Variants in GPC6 observed in about 807,000 individuals in gnomAD.
GPC6 encodes glypican-6.
GPC6 carries 14 observed loss-of-function variants against 55.2 expected under a neutral mutation model. The ratio of observed to expected loss-of-function variants is 0.25; its 90% confidence interval spans 0.17 to 0.40. GPC6 has a LOEUF of 0.40. GPC6 is among the 10% of genes least tolerant of loss of function. The pLI is 1.00. For missense variants in GPC6, 641 were observed against 708.5 expected (o/e 0.90, Z 1.08); for synonymous variants, 278 against 259.6 (o/e 1.07, Z -0.68).
intron 1 of GPC6, among the ~76,000 whole-genome samples, chr13:93,405,744 G>C (rs1217598758): frequency 6.6e-6 from 1 of 152,076 alleles, no homozygotes; most frequent in Non-Finnish European, 1.5e-5. Flanking sequence ...ATAAAACAGA[G>C]ATATGTTATA....
At chr13:93,231,570 G>A (rs1474798647) in intron 1 of GPC6, among the ~76,000 whole-genome samples, 1 of 150,988 alleles carries the variant, frequency 6.6e-6, no homozygotes, top group Non-Finnish European at 1.5e-5. Context: ...GTATTCTCAG[G>A]AATTGGCCAT....
intron 2 of GPC6, among the ~76,000 whole-genome samples, chr13:93,603,180 T>TC (rs1379639119): frequency 6.6e-6 from 1 of 152,026 alleles, no homozygotes; most frequent in Non-Finnish European, 1.5e-5. Context: ...CAGCTAATTT[T>TC]TTATTATTTG....
intron 6 of GPC6, among the ~76,000 whole-genome samples, chr13:94,313,136 C>T (rs935201848): frequency 1.3e-5 from 2 of 152,328 alleles, no homozygotes; most frequent in African/African-American, 4.8e-5. Context: ...GGTTTCTGCT[C>T]TTCTCCGGGC....
At chr13:93,787,717 T>C (rs1319022409) in intron 2 of GPC6, among the ~76,000 whole-genome samples, 1 of 152,230 alleles carries the variant, frequency 6.6e-6, no homozygotes, top group East Asian at 1.9e-4. Context: ...CTTTTAAATA[T>C]ACACTACATT....
intron 2 of GPC6, among the ~76,000 whole-genome samples, chr13:93,634,058 G>A (rs141025084): frequency 7.0e-4 from 107 of 152,306 alleles, no homozygotes; most frequent in African/African-American, 2.3e-3. Flanking sequence ...ATGTACTGAT[G>A]CAGTGAACAT....
At chr13:93,266,931 T>A (rs1370349438) in intron 1 of GPC6, among the ~76,000 whole-genome samples, 1 of 152,164 alleles carries the variant, frequency 6.6e-6, no homozygotes, top group African/African-American at 2.4e-5. Flanking sequence ...GACTTAGAAT[T>A]CCTGCATAAA....
At chr13:93,719,964 G>A (rs561137412) in intron 2 of GPC6, among the ~76,000 whole-genome samples, 1 of 152,084 alleles carries the variant, frequency 6.6e-6, no homozygotes, top group Admixed American at 6.6e-5. Context: ...GCTTTTTAAT[G>A]TGCTGCTGGA....
At position 93,918,636 on chromosome 13, in the gene GPC6, C is replaced by A. The variant is rs188545664; in HGVS notation, c.711+88091C>A. 5.0e-4 allele frequency among the ~76,000 whole-genome samples: 76 copies of A among 152,258 alleles called. 1 individual carries two copies. Among genetic ancestry groups the A allele is most frequent in the Middle Eastern group, 3.4e-3 (1 of 294 alleles). ...CCATGTTGTACCAACCGATGGCCCT[C>A]TCAGAAACAACACCATCAGTTTTTG... On this transcript the variant is annotated intron_variant, in intron 3 of 8. Coordinates refer to ENST00000377047, the MANE Select transcript of GPC6 (RefSeq NM_005708.5).
At chr13:94,090,652 A>G (rs1237585286) in intron 4 of GPC6, among the ~76,000 whole-genome samples, 1 of 141,108 alleles carries the variant, frequency 7.1e-6, no homozygotes, top group Non-Finnish European at 1.5e-5. Flanking sequence ...ATTTTATTTT[A>G]TAATAACTGT....
intron 4 of GPC6, among the ~76,000 whole-genome samples, chr13:94,184,449 A>AG (rs1889102492): frequency 6.6e-6 from 1 of 152,140 alleles, no homozygotes; most frequent in Non-Finnish European, 1.5e-5. Flanking sequence ...TAAGCAAAAA[A>AG]CAAATAACCC....
rs144440794 is a variant in GPC6 at position 93,393,127 on chromosome 13, T to TAGAGAG, written c.161-152109_161-152104dup. Among the ~76,000 whole-genome samples, 348 of 87,608 alleles carry TAGAGAG rather than the reference T, an allele frequency of 4.0e-3. 2 individuals carry two copies. Among genetic ancestry groups the TAGAGAG allele is most frequent in the African/African-American group, 8.4e-3 (214 of 25,388 alleles). The allele number at this position is 87,608 out of a possible 152,430, so 57.5% of individuals were successfully genotyped here. The stretch of plus-strand genomic sequence containing the variant: ...TATTTGATATATATATATATATATA[T>TAGAGAG]AGAGAGAGAGAGAGAGAGAGAGAGA... On this transcript the variant is annotated intron_variant, in intron 1 of 8. Coordinates refer to ENST00000377047, the MANE Select transcript of GPC6 (RefSeq NM_005708.5).
chr13:93,806,638 C>T (rs1257215795), intron 2 of GPC6, among the ~76,000 whole-genome samples: 1 of 152,190 alleles, frequency 6.6e-6, no homozygotes, highest in East Asian at 1.9e-4. Flanking sequence ...CCACATCCGG[C>T]CCACTTGGCA....
chr13:94,251,724 AC>A (rs1891355478), intron 4 of GPC6, among the ~76,000 whole-genome samples: 3 of 136,446 alleles, frequency 2.2e-5, no homozygotes, highest in African/African-American at 9.4e-5. Flanking sequence ...AAAAAAAAAA[AC>A]AAAAACAAAA....
chr13:94,180,069 A>G (rs9524353), intron 4 of GPC6, among the ~76,000 whole-genome samples: 15,078 of 152,134 alleles, frequency 0.099, 928 homozygotes, highest in East Asian at 0.19. Flanking sequence ...GGATGTGGAC[A>G]TACCTACAGG....
intron 6 of GPC6, among the ~76,000 whole-genome samples, chr13:94,354,269 T>C (rs1408600370): frequency 1.3e-5 from 2 of 151,932 alleles, no homozygotes; most frequent in Non-Finnish European, 2.9e-5. Flanking sequence ...GCTCTCTCCA[T>C]AATCCAGCAG....
At chr13:94,368,017 C>A (rs1048531563) in intron 6 of GPC6, among the ~76,000 whole-genome samples, 2 of 151,722 alleles carry the variant, frequency 1.3e-5, no homozygotes, top group African/African-American at 4.8e-5. Context: ...GGCATGGTGA[C>A]ACACGTCTGT....
intron 3 of GPC6, among the ~76,000 whole-genome samples, chr13:93,896,988 T>C (rs1353996678): frequency 1.1e-5 from 1 of 92,104 alleles, no homozygotes; most frequent in South Asian, 2.7e-4. Context: ...CATTATTCTT[T>C]TTTTTTTTTT....
chr13:93,566,314 C>G (rs1238358387), intron 2 of GPC6, among the ~76,000 whole-genome samples: 1 of 152,156 alleles, frequency 6.6e-6, no homozygotes, highest in African/African-American at 2.4e-5. Flanking sequence ...GCTAATGAAA[C>G]ACACTGAATA....
intron 4 of GPC6, among the ~76,000 whole-genome samples, chr13:94,152,876 C>T (rs1252873707): frequency 1.3e-5 from 2 of 152,088 alleles, no homozygotes; most frequent in Non-Finnish European, 2.9e-5. Context: ...TAAGCACCTA[C>T]TATGTTTTAA....
Sources: gnomAD v4.1 joint callset for allele counts (sites outside exome capture counted in the v4.1 genomes callset) on GRCh38, gnomAD v4.1.1 for gene constraint, MANE v1.5 for transcripts, NCBI Gene and HGNC (gene_info 2026-07-23, HGNC 2026-07-21) for gene names.